Variants in DCC observed in about 807,000 individuals in gnomAD.
The protein encoded by DCC is netrin receptor DCC.
A neutral mutation model predicts 172.5 loss-of-function variants in DCC; 58 were observed. The ratio of observed to expected loss-of-function variants is 0.34; its 90% CI spans 0.27 to 0.42. The LOEUF is 0.42. Ranked by LOEUF, DCC falls within the 10% of genes least tolerant of loss-of-function variation. The probability of loss-of-function intolerance (pLI) is 1.00; values close to 1 mark genes in which losing one functional copy is unlikely to be tolerated. For missense variants in DCC, 1,740 were observed against 1,791.0 expected, an observed-to-expected ratio of 0.97 and a Z score of 0.51; for synonymous variants, 709 against 644.5, an observed-to-expected ratio of 1.10 and a Z score of -1.52.
intron 5 of DCC, among the ~76,000 whole-genome samples, chr18:53,059,661 C>G (rs1241546430): frequency 6.6e-6 from 1 of 151,970 alleles, no homozygotes; most frequent in Non-Finnish European, 1.5e-5. Context: ...AGTCATGGTA[C>G]CTCATTCTTC....
chr18:53,181,389 T>C (rs184514281), intron 9 of DCC, among the ~76,000 whole-genome samples: 26 of 151,826 alleles, frequency 1.7e-4, no homozygotes, highest in Admixed American at 1.6e-3. Flanking sequence ...AAAGCAATTT[T>C]CAGTGTTTTA....
At chr18:52,370,963 G>A (rs1477548116) in intron 1 of DCC, among the ~76,000 whole-genome samples, 2 of 152,090 alleles carry the variant, frequency 1.3e-5, no homozygotes, top group East Asian at 1.9e-4. Context: ...AACAGACTTC[G>A]GTAAATACAG....
intron 12 of DCC, among the ~76,000 whole-genome samples, chr18:53,238,020 A>G (rs1026015910): frequency 2.6e-5 from 4 of 152,172 alleles, no homozygotes; most frequent in African/African-American, 9.6e-5. Context: ...TACTTTCTAA[A>G]AGAATCTCAT....
In DCC at chr18:52,605,871, A is replaced by T. The variant is rs549979164; in HGVS notation, c.92-146183A>T. Among the ~76,000 whole-genome samples the T allele has an allele frequency of 1.8e-3, 279 of 151,560 alleles. 1 individual carries two copies. The highest frequency in any genetic ancestry group is 6.5e-3 in the African/African-American group (271 of 41,456). ...TCCTCTGACACCAGTCAGTAATCTC[A>T]TGCAGCTTAATATGGTTCTGTGGTT... is the stretch of plus-strand genomic sequence containing the variant. On this transcript the variant is annotated intron_variant, in intron 1 of 28. Transcript: ENST00000442544.
chr18:52,910,599 G>C (rs2039958381), intron 3 of DCC, among the ~76,000 whole-genome samples: 1 of 152,140 alleles, frequency 6.6e-6, no homozygotes, highest in Admixed American at 6.6e-5. Flanking sequence ...AGCCATTGTG[G>C]TTGTCAAGTT....
intron 7 of DCC, among the ~76,000 whole-genome samples, chr18:53,149,153 G>A (rs527505457): frequency 4.6e-5 from 7 of 151,984 alleles, no homozygotes; most frequent in South Asian, 4.2e-4. Flanking sequence ...GAGCCACCAC[G>A]CCCCGCCTCC....
chr18:52,880,129 C>CT (rs200751163), intron 2 of DCC, among the ~76,000 whole-genome samples: 2,319 of 147,604 alleles, frequency 0.016, 42 homozygotes, highest in African/African-American at 0.039. Flanking sequence ...CTTATTCATT[C>CT]TTTTTTTTTT....
chr18:52,518,314 A>G (rs2031702600), intron 1 of DCC, among the ~76,000 whole-genome samples: 1 of 152,208 alleles, frequency 6.6e-6, no homozygotes, highest in South Asian at 2.1e-4. Flanking sequence ...GGGTCAGGGT[A>G]GAGTTCCCAA....
intron 1 of DCC, among the ~76,000 whole-genome samples, chr18:52,684,469 T>C (rs146232495): frequency 4.9e-4 from 75 of 152,204 alleles, no homozygotes; most frequent in African/African-American, 1.8e-3. Flanking sequence ...AATCATTGCC[T>C]GAATTCAATA....
At chr18:52,670,975 TG>T (rs2035541415) in intron 1 of DCC, among the ~76,000 whole-genome samples, 1 of 152,246 alleles carries the variant, frequency 6.6e-6, no homozygotes, top group African/African-American at 2.4e-5. Flanking sequence ...GAAATAATTT[TG>T]TGTTTTCTTC....
intron 5 of DCC, among the ~76,000 whole-genome samples, chr18:53,023,401 C>CAA (rs869070422): frequency 0.033 from 814 of 24,364 alleles, 117 homozygotes; most frequent in South Asian, 0.11. Context: ...TAACTCAGAC[C>CAA]AAAAAAAAAA....
At chr18:52,732,993 G>A (rs772036402) in intron 1 of DCC, among the ~76,000 whole-genome samples, 1 of 152,102 alleles carries the variant, frequency 6.6e-6, no homozygotes, top group Non-Finnish European at 1.5e-5. Flanking sequence ...AACCAAAAAT[G>A]CTAAGTCAAT....
chr18:52,616,471 G>A, intron 1 of DCC, among the ~76,000 whole-genome samples: 1 of 152,138 alleles, frequency 6.6e-6, no homozygotes, highest in East Asian at 1.9e-4. Context: ...GAGTATGTTA[G>A]CAGGCAATGT....
chr18:52,377,491 G>T (rs1184045906), intron 1 of DCC, among the ~76,000 whole-genome samples: 1 of 152,048 alleles, frequency 6.6e-6, no homozygotes, highest in Non-Finnish European at 1.5e-5. Context: ...CCCTGAAAAA[G>T]CCAGAACAAC....
chr18:52,884,602 T>A (rs747856876), intron 2 of DCC, among the ~76,000 whole-genome samples: 1 of 152,170 alleles, frequency 6.6e-6, no homozygotes, highest in Non-Finnish European at 1.5e-5. Context: ...TTCTTTGCGG[T>A]GTTATCTTTA....
At chr18:52,450,441 C>G (rs562011806) in intron 1 of DCC, among the ~76,000 whole-genome samples, 2 of 152,288 alleles carry the variant, frequency 1.3e-5, no homozygotes, top group Admixed American at 6.5e-5. Context: ...TGGGAAGGTC[C>G]AGACTAATGG....
intron 26 of DCC, among the ~76,000 whole-genome samples, chr18:53,489,638 T>TTTGAG (rs2045939163): frequency 6.6e-6 from 1 of 152,168 alleles, no homozygotes; most frequent in Admixed American, 6.5e-5. Flanking sequence ...CTGAAAGACC[T>TTTGAG]TTGAGTTTTA....
At chr18:52,919,630 T>C (rs1158678868) in intron 3 of DCC, among the ~76,000 whole-genome samples, 1 of 114,198 alleles carries the variant, frequency 8.8e-6, no homozygotes. Flanking sequence ...GAAAAGTCGA[T>C]GGTTCTTTTT....
intron 12 of DCC, among the ~76,000 whole-genome samples, chr18:53,221,149 A>AT (rs1489178995): frequency 6.6e-6 from 1 of 152,070 alleles, no homozygotes; most frequent in African/African-American, 2.4e-5. Flanking sequence ...AAAATTTACC[A>AT]TTTTTTAATT....
Sources: gnomAD v4.1 joint callset for allele counts (sites outside exome capture counted in the v4.1 genomes callset) on GRCh38, gnomAD v4.1.1 for gene constraint, MANE v1.5 for transcripts, NCBI Gene and HGNC (gene_info 2026-07-23, HGNC 2026-07-21) for gene names.